The following SMAD1 variants were observed in gnomAD, a reference collection of about 807,000 sequenced individuals.
SMAD1 encodes MAD, mothers against decapentaplegic homolog 1.
Under a neutral mutation model 41.6 loss-of-function variants are expected in SMAD1, and 6 were observed. The observed-to-expected ratio is 0.14, with a 90% CI of 0.08 to 0.28. SMAD1 has a LOEUF of 0.28. Ranked by LOEUF, SMAD1 falls within the 10% of genes least tolerant of loss-of-function variation. The probability of loss-of-function intolerance (pLI) is 1.00; values close to 1 mark genes in which losing one functional copy is unlikely to be tolerated. For synonymous variants in SMAD1, 206 were observed against 203.2 expected, an observed-to-expected ratio of 1.01 and a Z score of -0.12; for missense variants, 379 against 582.6, an observed-to-expected ratio of 0.65 and a Z score of 3.60.
At chr4:145,546,571 G>T (rs888417017) in intron 4 of SMAD1, 132 bp from the exon 5 acceptor site, 1 of 704,406 alleles carries the variant, frequency 1.4e-6, no homozygotes, top group African/African-American at 1.8e-5. Context: ...TAGAAAAACT[G>T]TATACATTAT....
At position 145,554,053 on chromosome 4, in the gene SMAD1, C is replaced by T. The variant is rs530646953; in HGVS notation, c.1254+13C>T. On this transcript the variant is annotated intron_variant, in intron 6 of 6. Transcript: ENST00000302085. ...GAGCTTTGTGAAGGTAAGTGAGCTC[C>T]GACTCCTCCATTTAGGGCCTAACAT... The T allele has an allele frequency of 6.4e-5, 102 of 1,604,732 alleles. No individual in the cohort carries two copies. Among genetic ancestry groups the T allele is most frequent in the Admixed American group, 5.5e-4 (33 of 59,616 alleles).
intron 4 of SMAD1, chr4:145,544,078 T>C (rs1487199758): frequency 1.3e-5 from 2 of 152,122 alleles, no homozygotes; most frequent in Non-Finnish European, 2.9e-5. Flanking sequence ...ACACCATAAG[T>C]GAACCCTGAC....
At position 145,514,153 on chromosome 4, in the gene SMAD1, G is replaced by T. The variant is rs959259195; in HGVS notation, c.-176-285G>T. On this transcript the variant is annotated intron_variant, in intron 1 of 6. Coordinates refer to ENST00000302085, the MANE Select transcript of SMAD1 (RefSeq NM_005900.3). This position sits in a 1 kb window ranked among gnomAD's most constrained non-coding sequence, Gnocchi z 4.7. The stretch of plus-strand genomic sequence containing the variant: ...GTACCCTCAGTGTGTGTGCATAGAG[G>T]CTGGAGGAGGGAGATAGCAATCTTA... Among the ~76,000 whole-genome samples, 1 of 152,142 alleles carries T rather than the reference G, an allele frequency of 6.6e-6. No individual in the cohort carries two copies. The highest frequency in any genetic ancestry group is 6.6e-5 in the Admixed American group (1 of 15,266).
At chr4:145,520,904 C>G in intron 2 of SMAD1, among the ~76,000 whole-genome samples, 1 of 152,282 alleles carries the variant, frequency 6.6e-6, no homozygotes, top group South Asian at 2.1e-4. Flanking sequence ...AAACACTTTG[C>G]TACAACTTGT....
At chr4:145,484,526 T>G (rs558301745) in intron 1 of SMAD1, 1 of 152,502 alleles carries the variant, frequency 6.6e-6, no homozygotes, top group African/African-American at 2.4e-5. Context: ...ACTTCAGATA[T>G]GGGTGGTACA....
At chr4:145,521,835 TTC>T (rs1465219725) in intron 2 of SMAD1, among the ~76,000 whole-genome samples, 3 of 152,008 alleles carry the variant, frequency 2.0e-5, no homozygotes, top group African/African-American at 7.3e-5. Flanking sequence ...TAAGTAGGAT[TTC>T]TCTGTTATCC....
chr4:145,490,940 G>A (rs958829806), intron 1 of SMAD1, among the ~76,000 whole-genome samples: 94 of 152,138 alleles, frequency 6.2e-4, no homozygotes, highest in African/African-American at 2.2e-3. Flanking sequence ...AAACCAATAT[G>A]TGCTTAATGC....
intron 1 of SMAD1, among the ~76,000 whole-genome samples, chr4:145,504,277 T>TA (rs1417855747): frequency 1.3e-5 from 2 of 152,214 alleles, no homozygotes; most frequent in Non-Finnish European, 2.9e-5. Flanking sequence ...CATTTGAACA[T>TA]TATTTGTTGA....
chr4:145,491,227 A>G (rs1024844364), intron 1 of SMAD1, among the ~76,000 whole-genome samples: 9 of 152,350 alleles, frequency 5.9e-5, no homozygotes, highest in Non-Finnish European at 7.3e-5. Flanking sequence ...CACCACCCCA[A>G]TAGAAAAATT....
At chr4:145,527,240 T>C (rs993060114) in intron 2 of SMAD1, among the ~76,000 whole-genome samples, 11 of 152,014 alleles carry the variant, frequency 7.2e-5, no homozygotes, top group African/African-American at 2.2e-4. Context: ...TTTTTTTTTT[T>C]TGAGACGGAG....
At chr4:145,535,443 T>C (rs748204354) in intron 2 of SMAD1, among the ~76,000 whole-genome samples, 1 of 152,188 alleles carries the variant, frequency 6.6e-6, no homozygotes, top group Non-Finnish European at 1.5e-5. Context: ...TGGCCAGATA[T>C]GGGAGATTGT....
At chr4:145,491,468 C>CA (rs1397767164) in intron 1 of SMAD1, among the ~76,000 whole-genome samples, 2 of 152,166 alleles carry the variant, frequency 1.3e-5, no homozygotes, top group African/African-American at 4.8e-5. Context: ...CTAATGAACA[C>CA]ACAATGTTTT....
intron 2 of SMAD1, among the ~76,000 whole-genome samples, chr4:145,522,129 T>C (rs1406429167): frequency 6.6e-6 from 1 of 150,800 alleles, no homozygotes; most frequent in Non-Finnish European, 1.5e-5. Context: ...ACCCCGTCTC[T>C]GCTAAAAATA....
chr4:145,555,761 C>T lies in SMAD1; in HGVS notation c.1254+1721C>T, dbSNP rs563076630. Among the ~76,000 whole-genome samples the T allele has an allele frequency of 3.8e-3, 575 of 152,162 alleles. 1 individual carries two copies. Among genetic ancestry groups the T allele is most frequent in the African/African-American group, 0.013 (546 of 41,524 alleles). On this transcript the variant is annotated intron_variant, in intron 6 of 6. Coordinates refer to ENST00000302085, the MANE Select transcript of SMAD1 (RefSeq NM_005900.3). ...CATTCATTCAGCAGATATTTTAGCA[C>T]TATTTCAGAGAAGTAATACAAAGAT...
intron 2 of SMAD1, 113 bp from the exon 3 acceptor site, chr4:145,539,691 C>A: frequency 9.6e-7 from 1 of 1,043,172 alleles, no homozygotes; most frequent in Non-Finnish European, 1.4e-6. Flanking sequence ...GGCAGCAGGA[C>A]AGGGATCAGA....
At chr4:145,544,763 C>T (rs1180115470) in intron 4 of SMAD1, 2 of 151,996 alleles carry the variant, frequency 1.3e-5, no homozygotes, top group Non-Finnish European at 2.9e-5. Flanking sequence ...AATTCTGAGT[C>T]AATGAACACT....
At chr4:145,509,978 A>C (rs190943725) in intron 1 of SMAD1, among the ~76,000 whole-genome samples, 1 of 152,332 alleles carries the variant, frequency 6.6e-6, no homozygotes, top group East Asian at 1.9e-4. Flanking sequence ...TACTATGCCA[A>C]GTTCCAAAGG....
chr4:145,529,089 T>C (rs1011303772), intron 2 of SMAD1, among the ~76,000 whole-genome samples: 2 of 152,216 alleles, frequency 1.3e-5, no homozygotes, highest in Non-Finnish European at 2.9e-5. Flanking sequence ...TATTTTATTA[T>C]TAAAAGTGAG....
intron 1 of SMAD1, among the ~76,000 whole-genome samples, chr4:145,498,627 A>AT (rs1729234240): frequency 6.6e-6 from 1 of 152,030 alleles, no homozygotes; most frequent in Non-Finnish European, 1.5e-5. Context: ...AGTTTCATTT[A>AT]TTTTTTTCTA....
Sources: allele counts gnomAD v4.1 joint callset (sites outside exome capture counted in the v4.1 genomes callset), GRCh38; gene constraint gnomAD v4.1.1; non-coding constraint Gnocchi (gnomAD v3.1); transcripts MANE v1.5; gene names NCBI Gene and HGNC (gene_info 2026-07-23, HGNC 2026-07-21).